Variants in PKNOX2 observed in about 807,000 individuals in gnomAD.
PKNOX2 encodes homeobox protein PKNOX2.
PKNOX2 carries 14 observed loss-of-function variants against 53.1 expected under a neutral mutation model. That is an observed-to-expected ratio of 0.26 (90% CI 0.17 to 0.41). PKNOX2 has a LOEUF of 0.41. Among genes scored for constraint, PKNOX2 ranks in the 10% least tolerant of loss-of-function variants. The pLI is 1.00. For synonymous variants in PKNOX2, 257 were observed against 242.8 expected (o/e 1.06, Z -0.54); for missense variants, 496 against 602.8 (o/e 0.82, Z 1.85).
chr11:125,383,478 A>G (rs976480208), intron 5 of PKNOX2, among the ~76,000 whole-genome samples: 4 of 149,664 alleles, frequency 2.7e-5, no homozygotes, highest in African/African-American at 9.8e-5. Context: ...TTAGTCAGGC[A>G]TGATGGCGGG....
chr11:125,391,928 C>T (rs2135420243), intron 6 of PKNOX2, among the ~76,000 whole-genome samples: 1 of 152,176 alleles, frequency 6.6e-6, no homozygotes, highest in Non-Finnish European at 1.5e-5. Context: ...TTCACATGAC[C>T]CCGATCATTT....
chr11:125,390,003 C>T (rs1319524882), intron 6 of PKNOX2, among the ~76,000 whole-genome samples: 2 of 152,148 alleles, frequency 1.3e-5, no homozygotes. Flanking sequence ...GCTCTGGGCC[C>T]AGAGGCCTCA....
At chr11:125,393,922 C>T (rs1223480748) in intron 6 of PKNOX2, among the ~76,000 whole-genome samples, 1 of 125,432 alleles carries the variant, frequency 8.0e-6, no homozygotes, top group South Asian at 2.6e-4. Flanking sequence ...ACAAGGCACA[C>T]GGGTGGGGGG....
rs994293330 is a variant in PKNOX2, at chr11:125,165,934, G to A, written c.-201+1158G>A. Among the ~76,000 whole-genome samples the A allele has an allele frequency of 1.3e-5, 2 of 152,178 alleles. No homozygotes were observed. Among genetic ancestry groups the A allele is most frequent in the African/African-American group, 4.8e-5 (2 of 41,432 alleles). ...TCCCGATCCCCAGGAAGAAACGAGCGAAATGGGCCGTCCTTTCCCGGGGCT... is the reference window on the plus strand; with the variant it reads ...TCCCGATCCCCAGGAAGAAACGAGCAAAATGGGCCGTCCTTTCCCGGGGCT... On this transcript the variant is annotated intron_variant, in intron 1 of 12. Transcript: ENST00000298282. This position sits in a 1 kb window ranked among gnomAD's most constrained non-coding sequence, Gnocchi z 4.5.
At chr11:125,383,894 A>G (rs840029) in intron 5 of PKNOX2, among the ~76,000 whole-genome samples, 114,175 of 151,974 alleles carry the variant, frequency 0.75, 44,158 homozygotes, top group African/African-American at 0.92. Context: ...CAAGTCCAAC[A>G]CACATTCCTC....
rs1954848827 is a variant in PKNOX2 at position 125,166,021 on chromosome 11, A to AG, written c.-201+1249dup. On this transcript the variant is annotated intron_variant, in intron 1 of 12. Coordinates refer to ENST00000298282, the MANE Select transcript of PKNOX2 (RefSeq NM_001382323.2). This position sits in a 1 kb window ranked among gnomAD's most constrained non-coding sequence, Gnocchi z 4.0. Reference sequence around the variant, plus strand: ...AGACTCGGGTTGGGAATTGAGGGGTAGGGGCTTGTGGATCGGCCTGAATTA... The same window carrying AG: ...AGACTCGGGTTGGGAATTGAGGGGTAGGGGGCTTGTGGATCGGCCTGAATTA... Among the ~76,000 whole-genome samples the AG allele has an allele frequency of 6.6e-6, 1 of 151,902 alleles. No homozygotes were observed. The highest frequency in any genetic ancestry group is 6.6e-5 in the Admixed American group (1 of 15,252).
intron 2 of PKNOX2, among the ~76,000 whole-genome samples, chr11:125,310,568 C>A (rs946280712): frequency 2.0e-5 from 3 of 151,784 alleles, no homozygotes; most frequent in Admixed American, 1.3e-4. Flanking sequence ...CAAGTAATGC[C>A]AAACTTACTG....
intron 2 of PKNOX2, among the ~76,000 whole-genome samples, chr11:125,299,280 C>G (rs1175456260): frequency 6.6e-6 from 1 of 152,216 alleles, no homozygotes; most frequent in African/African-American, 2.4e-5. Flanking sequence ...CCAGCCCCAC[C>G]TCCGACACTG....
intron 7 of PKNOX2, among the ~76,000 whole-genome samples, chr11:125,408,707 G>C (rs1955275583): frequency 2.6e-5 from 4 of 152,206 alleles, no homozygotes; most frequent in Admixed American, 1.3e-4. Context: ...GGCTCTGCCA[G>C]GTTCTGTGTT....
chr11:125,215,547 T>C (rs952544797), intron 1 of PKNOX2, among the ~76,000 whole-genome samples: 5 of 151,308 alleles, frequency 3.3e-5, no homozygotes, highest in African/African-American at 7.3e-5. Flanking sequence ...AGGTCAGGAG[T>C]TCAAGACCAG....
In PKNOX2 at chr11:125,354,859, GGC is replaced by G. The variant is rs1565504696; in HGVS notation, c.87+3468_87+3469del. Among the ~76,000 whole-genome samples the G allele has an allele frequency of 3.2e-3, 480 of 152,260 alleles. 4 individuals are homozygous for G. Among genetic ancestry groups the G allele is most frequent in the African/African-American group, 0.011 (448 of 41,550 alleles). On this transcript the variant is annotated intron_variant, in intron 4 of 12. Transcript: ENST00000298282. The stretch of plus-strand genomic sequence containing the variant: ...AAGCCAAGTGATACGATGGCTAAGC[GGC>G]TTCTAGCCCCTTAGTTCTGTTGCAG...
At chr11:125,284,639 A>G (rs1946782171) in intron 2 of PKNOX2, among the ~76,000 whole-genome samples, 1 of 152,192 alleles carries the variant, frequency 6.6e-6, no homozygotes, top group Admixed American at 6.5e-5. Context: ...GTCCACACAG[A>G]GAATTGCTAG....
intron 4 of PKNOX2, among the ~76,000 whole-genome samples, chr11:125,355,530 T>G (rs116554857): frequency 6.6e-6 from 1 of 152,174 alleles, no homozygotes; most frequent in African/African-American, 2.4e-5. Flanking sequence ...GATTGCCTAA[T>G]GACCACACTG....
At chr11:125,227,534 G>T (rs936562218) in intron 1 of PKNOX2, among the ~76,000 whole-genome samples, 4 of 152,194 alleles carry the variant, frequency 2.6e-5, no homozygotes, top group Admixed American at 6.5e-5. Flanking sequence ...GTTCATCCAT[G>T]TTGTAGCATG....
At chr11:125,217,861 G>A (rs996906364) in intron 1 of PKNOX2, among the ~76,000 whole-genome samples, 1 of 152,140 alleles carries the variant, frequency 6.6e-6, no homozygotes, top group Non-Finnish European at 1.5e-5. Context: ...TAAGGAAACC[G>A]AATTGCAGTG....
At chr11:125,213,292 C>T (rs1940087930) in intron 1 of PKNOX2, among the ~76,000 whole-genome samples, 2 of 152,102 alleles carry the variant, frequency 1.3e-5, no homozygotes, top group Admixed American at 6.5e-5. Context: ...CCTTGGCTCT[C>T]ATCTTACCTT....
At chr11:125,334,351 G>A (rs1390980146) in intron 3 of PKNOX2, among the ~76,000 whole-genome samples, 2 of 152,186 alleles carry the variant, frequency 1.3e-5, no homozygotes, top group Non-Finnish European at 2.9e-5. Context: ...GGATAGTCAT[G>A]GATTGGGTAA....
In PKNOX2 at chr11:125,203,327, T is replaced by TG. The variant is rs1007993253; in HGVS notation, c.-200-31717dup. Among the ~76,000 whole-genome samples the TG allele has an allele frequency of 8.5e-5, 13 of 152,304 alleles. 2 individuals are homozygous for TG. Among genetic ancestry groups the TG allele is most frequent in the Admixed American group, 8.5e-4 (13 of 15,294 alleles). Reference sequence around the variant, plus strand: ...CTCGCTATGTTGGCCAGGCTGGTCTTGAACTCCCGGGCTCAAGCGATCCTC... The same window carrying TG: ...CTCGCTATGTTGGCCAGGCTGGTCTTGGAACTCCCGGGCTCAAGCGATCCTC... On this transcript the variant is annotated intron_variant, in intron 1 of 12. Coordinates refer to ENST00000298282, the MANE Select transcript of PKNOX2 (RefSeq NM_001382323.2).
chr11:125,306,189 C>A (rs560824610), intron 2 of PKNOX2, among the ~76,000 whole-genome samples: 1 of 152,086 alleles, frequency 6.6e-6, no homozygotes, highest in Non-Finnish European at 1.5e-5. Context: ...AATACCTGCC[C>A]GGCGGCAGGT....
Sources: gnomAD v4.1 joint callset for allele counts (sites outside exome capture counted in the v4.1 genomes callset) on GRCh38, gnomAD v4.1.1 for gene constraint, Gnocchi (gnomAD v3.1) non-coding constraint, MANE v1.5 for transcripts, NCBI Gene and HGNC (gene_info 2026-07-23, HGNC 2026-07-21) for gene names.